The following MIPOL1 variants were observed in gnomAD, a reference collection of about 807,000 sequenced individuals.
The protein encoded by MIPOL1 is mirror-image polydactyly gene 1 protein.
In MIPOL1, 57 loss-of-function variants were observed where a neutral mutation model predicts 60.9. The ratio of observed to expected loss-of-function variants is 0.94; its 90% confidence interval spans 0.76 to 1.17. MIPOL1 has a LOEUF of 1.17. MIPOL1 is among the 50% of genes most tolerant of loss of function. The pLI, the probability that MIPOL1 is intolerant of heterozygous loss-of-function variation, is 0.00. For missense variants in MIPOL1, 551 were observed against 511.6 expected (o/e 1.08, Z -0.74); for synonymous variants, 179 against 168.8 (o/e 1.06, Z -0.47).
intron 7 of MIPOL1, among the ~76,000 whole-genome samples, chr14:37,290,617 A>G (rs1172481349): frequency 1.3e-5 from 2 of 152,152 alleles, no homozygotes; most frequent in African/African-American, 2.4e-5. Flanking sequence ...GCAATTGTTC[A>G]TCATTCTTTA....
intron 12 of MIPOL1, among the ~76,000 whole-genome samples, chr14:37,535,412 CTTAATG>C (rs767828665): frequency 7.3e-4 from 111 of 152,208 alleles, no homozygotes; most frequent in Non-Finnish European, 1.4e-3. Flanking sequence ...GAAGTAACTT[CTTAATG>C]TTAATGTAAA....
chr14:37,361,274 C>T, intron 9 of MIPOL1, among the ~76,000 whole-genome samples: 1 of 152,132 alleles, frequency 6.6e-6, no homozygotes, highest in Non-Finnish European at 1.5e-5. Context: ...CAATGTGGTA[C>T]TGAGAAGAAT....
At chr14:37,385,946 G>A (rs2093055675) in intron 10 of MIPOL1, among the ~76,000 whole-genome samples, 1 of 151,858 alleles carries the variant, frequency 6.6e-6, no homozygotes, top group African/African-American at 2.4e-5. Context: ...CATTTCTCAA[G>A]TTTTCTTTTT....
chr14:37,373,832 C>T (rs561570442), intron 10 of MIPOL1, among the ~76,000 whole-genome samples: 3 of 152,072 alleles, frequency 2.0e-5, no homozygotes, highest in Non-Finnish European at 4.4e-5. Flanking sequence ...TGAACAGTTC[C>T]ACAATAAACA....
At chr14:37,355,395 T>C in intron 9 of MIPOL1, among the ~76,000 whole-genome samples, 1 of 143,116 alleles carries the variant, frequency 7.0e-6, no homozygotes, top group Non-Finnish European at 1.5e-5. Flanking sequence ...TTGGAGTTGC[T>C]CTTCTCGAGG....
chr14:37,508,615 T>C (rs1365585527), intron 12 of MIPOL1, among the ~76,000 whole-genome samples: 2 of 152,170 alleles, frequency 1.3e-5, no homozygotes, highest in Non-Finnish European at 2.9e-5. Flanking sequence ...ACTATGCTAA[T>C]GTGGACAATA....
intron 11 of MIPOL1, among the ~76,000 whole-genome samples, chr14:37,477,268 T>C (rs533318037): frequency 1.8e-4 from 27 of 152,140 alleles, no homozygotes; most frequent in African/African-American, 6.0e-4. Context: ...TTTCCTCTGC[T>C]TGTATTTTTT....
intron 1 of MIPOL1, among the ~76,000 whole-genome samples, chr14:37,200,783 G>C (rs1033196375): frequency 1.4e-5 from 2 of 146,912 alleles, no homozygotes; most frequent in East Asian, 4.0e-4. Flanking sequence ...CAATTGGTTG[G>C]ATGTGAAATC....
chr14:37,213,824 CAAGAG>C (rs1967110200), intron 1 of MIPOL1, among the ~76,000 whole-genome samples: 1 of 152,082 alleles, frequency 6.6e-6, no homozygotes, highest in African/African-American at 2.4e-5. Flanking sequence ...CTAAAAGTAT[CAAGAG>C]AATAGAAATA....
intron 11 of MIPOL1, among the ~76,000 whole-genome samples, chr14:37,471,479 A>G (rs976528828): frequency 6.6e-6 from 1 of 152,226 alleles, no homozygotes; most frequent in African/African-American, 2.4e-5. Context: ...GAGGCTTAAC[A>G]GTTAGAGATC....
chr14:37,349,263 C>T (rs2091174813), intron 9 of MIPOL1, among the ~76,000 whole-genome samples: 2 of 152,110 alleles, frequency 1.3e-5, no homozygotes, highest in South Asian at 2.1e-4. Flanking sequence ...GCTGAGATAA[C>T]GGGCGTGAGC....
chr14:37,299,164 G>A lies in MIPOL1; in HGVS notation c.624-8892G>A, dbSNP rs533362636. ...CCTTTGTAGGGACATGGATGAAGCT[G>A]GAAACCATCATTCTCAGCAAACTAT... On this transcript the variant is annotated intron_variant, in intron 7 of 12. Transcript: ENST00000684589. 1.4e-4 allele frequency among the ~76,000 whole-genome samples: 22 copies of A among 152,116 alleles called. 1 individual carries two copies. The highest frequency in any genetic ancestry group is 5.1e-4 in the African/African-American group (21 of 41,490).
chr14:37,463,244 C>A (rs1305030901), intron 11 of MIPOL1, among the ~76,000 whole-genome samples: 3 of 152,112 alleles, frequency 2.0e-5, no homozygotes, highest in Non-Finnish European at 2.9e-5. Context: ...TCTCATGAGA[C>A]CCACTCACTC....
chr14:37,475,546 A>G (rs1419277780), intron 11 of MIPOL1, among the ~76,000 whole-genome samples: 1 of 151,636 alleles, frequency 6.6e-6, no homozygotes, highest in Non-Finnish European at 1.5e-5. Flanking sequence ...AAGTTGTATA[A>G]TTTTTTGTTT....
intron 11 of MIPOL1, among the ~76,000 whole-genome samples, chr14:37,439,935 T>C (rs1031832188): frequency 1.3e-5 from 2 of 152,284 alleles, no homozygotes. Context: ...CACAGCTCAC[T>C]GCAGCCTCCC....
intron 7 of MIPOL1, among the ~76,000 whole-genome samples, chr14:37,301,048 C>T (rs1389131394): frequency 1.5e-4 from 2 of 13,524 alleles, no homozygotes; most frequent in African/African-American, 1.9e-4. Flanking sequence ...AATACACACA[C>T]ATATATATAT....
chr14:37,524,017 G>T (rs2095430558), intron 12 of MIPOL1, among the ~76,000 whole-genome samples: 1 of 151,900 alleles, frequency 6.6e-6, no homozygotes, highest in Non-Finnish European at 1.5e-5. Context: ...ATGGTGCTTG[G>T]AGCAAAAAAG....
intron 10 of MIPOL1, among the ~76,000 whole-genome samples, chr14:37,416,826 A>G (rs1275458021): frequency 6.6e-6 from 1 of 152,198 alleles, no homozygotes; most frequent in Non-Finnish European, 1.5e-5. Context: ...TCAGGGTACC[A>G]GCTAGATCCA....
chr14:37,224,713 G>A (rs533927355), intron 1 of MIPOL1, among the ~76,000 whole-genome samples: 16 of 151,996 alleles, frequency 1.1e-4, no homozygotes, highest in East Asian at 1.9e-4. Flanking sequence ...GTTCCACCCC[G>A]GCCCCTCCCA....
Sources: gnomAD v4.1 joint callset for allele counts (sites outside exome capture counted in the v4.1 genomes callset) on GRCh38, gnomAD v4.1.1 for gene constraint, MANE v1.5 for transcripts, NCBI Gene and HGNC (gene_info 2026-07-23, HGNC 2026-07-21) for gene names.